SEC31A: variants seen among roughly 807,000 people sequenced by gnomAD.
SEC31A encodes SEC31 homolog A, COPII component, also known as protein transport protein Sec31A.
In SEC31A, 70 loss-of-function variants were observed where a neutral mutation model predicts 151.0. The ratio of observed to expected loss-of-function variants is 0.46; its 90% CI spans 0.38 to 0.57. The LOEUF (loss-of-function observed/expected upper bound fraction) is 0.57, where lower values mean the gene tolerates loss of function less well. SEC31A is among the 20% of genes least tolerant of loss of function. The probability of loss-of-function intolerance (pLI) is 0.00; values close to 1 mark genes in which losing one functional copy is unlikely to be tolerated. For missense variants in SEC31A, 1,330 were observed against 1,471.2 expected, an observed-to-expected ratio of 0.90 and a Z score of 1.57; for synonymous variants, 475 against 505.9, an observed-to-expected ratio of 0.94 and a Z score of 0.82.
At chr4:82,887,933 C>T (rs1741127799) in intron 1 of SEC31A, among the ~76,000 whole-genome samples, 1 of 151,886 alleles carries the variant, frequency 6.6e-6, no homozygotes, top group African/African-American at 2.4e-5. Context: ...GTAGTCCCAG[C>T]TACTCGGGAG....
At chr4:82,891,680 C>A (rs1019482404), upstream of SEC31A, among the ~76,000 whole-genome samples, 1 of 152,064 alleles carries the variant, frequency 6.6e-6, no homozygotes, top group African/African-American at 2.4e-5. Context: ...ACAATCTGGG[C>A]ATTCCCAAAG....
At chr4:82,872,115 G>C in intron 6 of SEC31A, 29 bp from the exon 7 acceptor site, 1 of 1,562,838 alleles carries the variant, frequency 6.4e-7, no homozygotes, top group Non-Finnish European at 8.8e-7. Context: ...CACATTTTAT[G>C]AATCAAATTA....
chr4:82,870,272 A>T, intron 8 of SEC31A, 53 bp downstream of exon 8: 1 of 1,372,476 alleles, frequency 7.3e-7, no homozygotes, highest in Non-Finnish European at 1.0e-6. Context: ...TTATGTAGCC[A>T]GAAGTAACAT....
intron 8 of SEC31A, among the ~76,000 whole-genome samples, chr4:82,869,813 C>G (rs1239179864): frequency 6.6e-6 from 1 of 152,072 alleles, no homozygotes; most frequent in African/African-American, 2.4e-5. Context: ...AGCATTCCAT[C>G]AAACTACATA....
intron 3 of SEC31A, among the ~76,000 whole-genome samples, chr4:82,880,180 T>A (rs1738953751): frequency 1.4e-5 from 2 of 144,832 alleles, no homozygotes; most frequent in South Asian, 4.4e-4. Flanking sequence ...TGAAACTCCA[T>A]CTCAAAAAAA....
intron 3 of SEC31A, among the ~76,000 whole-genome samples, chr4:82,897,163 C>A (rs1256473751): frequency 2.0e-5 from 3 of 152,222 alleles, no homozygotes; most frequent in African/African-American, 7.2e-5. Context: ...TTGGAAACCA[C>A]TTGTCTAATA....
At chr4:82,867,416 G>A in intron 8 of SEC31A, 100 bp from the exon 9 acceptor site, 1 of 931,026 alleles carries the variant, frequency 1.1e-6, no homozygotes. Context: ...TAGTTAAATT[G>A]AATATTTTTT....
intron 12 of SEC31A, 72 bp downstream of exon 12, chr4:82,863,246 T>A (rs1174266599): frequency 1.2e-6 from 1 of 866,346 alleles, no homozygotes; most frequent in Non-Finnish European, 1.8e-6. Context: ...TTTGAGATAA[T>A]CTGTGTAGAA....
rs554027337 is a variant in SEC31A at position 82,877,033 on chromosome 4, T to C, written c.403-1211A>G. On this transcript the variant is annotated intron_variant, in intron 4 of 26. Transcript: ENST00000395310. ...CAGACAGACCACTTGAGCCCAGGAGTTTGGGACCAGCTTGACCAACACGAA... is the reference window on the plus strand; with the variant it reads ...CAGACAGACCACTTGAGCCCAGGAGCTTGGGACCAGCTTGACCAACACGAA... Among the ~76,000 whole-genome samples, 10 of 151,242 alleles carry C rather than the reference T, an allele frequency of 6.6e-5. No individual in the cohort carries two copies. In the South Asian group the frequency reaches 2.1e-3, roughly 32 times the overall value.
At position 82,879,384 on chromosome 4, in the gene SEC31A, A is replaced by AAAG. The variant is rs56355345; in HGVS notation, c.204-457_204-456insCTT. On this transcript the variant is annotated intron_variant, in intron 3 of 26. Coordinates refer to ENST00000395310, the MANE Select transcript of SEC31A (RefSeq NM_001077207.4). ...TGACCTTTGTCTGAAAAAAAAAAAA[A>AAAG]GGGGGGGTCACTAACAAGTGGTCTG... Among the ~76,000 whole-genome samples the AAAG allele has an allele frequency of 1.1e-3, 171 of 149,848 alleles. 1 individual carries two copies. The highest frequency in any genetic ancestry group is 3.8e-3 in the African/African-American group (155 of 40,828).
intron 22 of SEC31A, among the ~76,000 whole-genome samples, chr4:82,841,331 G>A (rs1217159898): frequency 6.6e-6 from 1 of 151,198 alleles, no homozygotes; most frequent in Non-Finnish European, 1.5e-5. Flanking sequence ...GCTGAGACAG[G>A]AGAATCGCTT....
intron 9 of SEC31A, 22 bp from the exon 10 acceptor site, chr4:82,866,982 T>G: frequency 5.6e-6 from 9 of 1,603,998 alleles, no homozygotes; most frequent in Non-Finnish European, 7.6e-6. Flanking sequence ...AATAATAACA[T>G]AAGCATCCGA....
At chr4:82,861,889 C>CTGT in intron 13 of SEC31A, 181 bp from the exon 14 acceptor site, 1 of 331,216 alleles carries the variant, frequency 3.0e-6, no homozygotes, top group Admixed American at 4.9e-5. Flanking sequence ...ACTATTACTG[C>CTGT]TAACACTTTC....
rs1729122127 is a variant in SEC31A, at chr4:82,842,394, T to C, written c.2714A>G (p.Asn905Ser). ...TATGTAAGGGGTGTTAGGGTAAGCG[T>C]TTGAAGTAGGAGGAGCAACAGGCTG... ...PQQPVAPPTS[N>S]AYPNTPYISS... The change falls in exon 22 of 27, where the codon AAC becomes AGC. Residue 905 changes from asparagine to serine, a missense_variant. By Grantham distance (46) the Asn-to-Ser change is conservative (BLOSUM62 1). Coordinates refer to ENST00000395310, the MANE Select transcript of SEC31A (RefSeq NM_001077207.4). The C allele has an allele frequency of 1.2e-6, 2 of 1,613,846 alleles. No individual in the cohort carries two copies. The highest frequency in any genetic ancestry group is 2.7e-5 in the African/African-American group (2 of 74,972).
chr4:82,833,156 A>T (rs1236715826), intron 22 of SEC31A, among the ~76,000 whole-genome samples: 1 of 152,224 alleles, frequency 6.6e-6, no homozygotes, highest in Non-Finnish European at 1.5e-5. Flanking sequence ...GAACCAACCC[A>T]AATGTCCATC....
chr4:82,820,133 G>GTTTT (rs34724288), intron 26 of SEC31A, among the ~76,000 whole-genome samples: 29 of 113,806 alleles, frequency 2.5e-4, no homozygotes, highest in African/African-American at 9.5e-4. Context: ...TGTATCTTCT[G>GTTTT]TTTTTTTTTT....
chr4:82,864,768 T>C (rs1734940024), intron 10 of SEC31A, among the ~76,000 whole-genome samples, 170 bp from the exon 11 acceptor site: 2 of 151,968 alleles, frequency 1.3e-5, no homozygotes, highest in Non-Finnish European at 1.5e-5. Context: ...TGTACTTTTT[T>C]GGTTTTTTGG....
rs2149245631 is a variant in SEC31A, at chr4:82,842,489, AAGG to A, written c.2627-11_2627-9del. ...GCTGGGCTGGTTGATAAGCTACACC[AAGG>A]AGAAGAAACAGAAATTTCAATTAGT... On this transcript the variant is annotated splice_polypyrimidine_tract_variant and intron_variant, in intron 21 of 26. Coordinates refer to ENST00000395310, the MANE Select transcript of SEC31A (RefSeq NM_001077207.4). 6.3e-7 allele frequency: 1 copy of A among 1,583,818 alleles called. No homozygotes were observed.
At chr4:82,892,329 G>A (rs1719848252), upstream of SEC31A, among the ~76,000 whole-genome samples, 5 of 152,192 alleles carry the variant, frequency 3.3e-5, no homozygotes, top group Admixed American at 3.3e-4. Flanking sequence ...ACCGCAAGCA[G>A]CTTTCTGTTC....
Sources: allele counts gnomAD v4.1 joint callset (sites outside exome capture counted in the v4.1 genomes callset), GRCh38; gene constraint gnomAD v4.1.1; transcripts MANE v1.5; gene names NCBI Gene and HGNC (gene_info 2026-07-23, HGNC 2026-07-21).